The following ILRUN variants were observed in gnomAD, a reference collection of about 807,000 sequenced individuals.
The protein encoded by ILRUN is inflammation and lipid regulator with UBA-like and NBR1-like domains, also known as protein ILRUN.
ILRUN carries 3 observed loss-of-function variants against 33.8 expected under a neutral mutation model. The observed-to-expected ratio is 0.09, with a 90% CI of 0.04 to 0.23. The LOEUF (loss-of-function observed/expected upper bound fraction) is 0.23, where lower values mean the gene tolerates loss of function less well. Among genes scored for constraint, ILRUN ranks in the 10% least tolerant of loss-of-function variants. The probability of loss-of-function intolerance (pLI) is 1.00; values close to 1 mark genes in which losing one functional copy is unlikely to be tolerated. For synonymous variants in ILRUN, 124 were observed against 138.9 expected (o/e 0.89, Z 0.75); for missense variants, 210 against 375.1 (o/e 0.56, Z 3.64).
intron 3 of ILRUN, among the ~76,000 whole-genome samples, chr6:34,610,329 T>C (rs1400973487): frequency 6.6e-6 from 1 of 152,162 alleles, no homozygotes; most frequent in East Asian, 1.9e-4. Context: ...GGACCTGTGT[T>C]CAAAGCTCAA....
chr6:34,672,508 G>A, intron 1 of ILRUN, among the ~76,000 whole-genome samples: 1 of 152,076 alleles, frequency 6.6e-6, no homozygotes, highest in East Asian at 1.9e-4. Flanking sequence ...GAGCCCAGGA[G>A]TTCAAGACCA....
chr6:34,639,485 C>T lies in ILRUN; in HGVS notation c.511+7116G>A, dbSNP rs1321956627. Among the ~76,000 whole-genome samples the T allele has an allele frequency of 3.3e-5, 5 of 152,148 alleles. No homozygotes were observed. The South Asian group carries it at 8.3e-4, about 25-fold the overall frequency. On this transcript the variant is annotated intron_variant, in intron 3 of 4. Transcript: ENST00000374023. ...AAGCATATTACTACTGGCATCCAGG[C>T]TAAAACAAGGACAATCACTCATGCT... is the stretch of plus-strand genomic sequence containing the variant.
At chr6:34,650,588 G>C (rs936358227) in intron 2 of ILRUN, among the ~76,000 whole-genome samples, 2 of 151,780 alleles carry the variant, frequency 1.3e-5, no homozygotes, top group African/African-American at 4.8e-5. Flanking sequence ...CTGCCACCAT[G>C]CCTGGCTAAT....
At chr6:34,673,310 G>A (rs1245707989) in intron 1 of ILRUN, among the ~76,000 whole-genome samples, 1 of 152,156 alleles carries the variant, frequency 6.6e-6, no homozygotes, top group Non-Finnish European at 1.5e-5. Context: ...GTCCAGATCA[G>A]GGTAGGTCCA....
At chr6:34,636,983 C>T (rs1762377991) in intron 3 of ILRUN, among the ~76,000 whole-genome samples, 1 of 152,038 alleles carries the variant, frequency 6.6e-6, no homozygotes, top group Non-Finnish European at 1.5e-5. Context: ...TAAGTATCAC[C>T]TTTTTATTCA....
chr6:34,626,183 C>T (rs1263160917), intron 3 of ILRUN, among the ~76,000 whole-genome samples: 1 of 151,562 alleles, frequency 6.6e-6, no homozygotes, highest in Non-Finnish European at 1.5e-5. Flanking sequence ...CTTTTTTTCT[C>T]TTTTCCAAGA....
At chr6:34,615,389 A>G (rs940393228) in intron 3 of ILRUN, among the ~76,000 whole-genome samples, 8 of 152,090 alleles carry the variant, frequency 5.3e-5, no homozygotes, top group African/African-American at 1.9e-4. Context: ...TAAGGTCAGG[A>G]GTTCAAGACC....
intron 1 of ILRUN, among the ~76,000 whole-genome samples, chr6:34,659,034 T>C (rs1409988087): frequency 6.6e-6 from 1 of 152,238 alleles, no homozygotes; most frequent in African/African-American, 2.4e-5. Flanking sequence ...CATTTACCCT[T>C]GTGCCAGGCA....
chr6:34,683,506 A>ATG (rs1562033323), intron 1 of ILRUN, among the ~76,000 whole-genome samples: 5 of 100,920 alleles, frequency 5.0e-5, no homozygotes, highest in Non-Finnish European at 5.4e-5. Flanking sequence ...ATACATATAT[A>ATG]TATATATACA....
Position 34,666,518 on chromosome 6 carries a change from G to A in ILRUN, c.159-11739C>T, listed in dbSNP as rs188594313. Among the ~76,000 whole-genome samples, 5 of 152,130 alleles carry A rather than the reference G, an allele frequency of 3.3e-5. No homozygotes were observed. The East Asian group carries it at 5.8e-4, about 18-fold the overall frequency. On this transcript the variant is annotated intron_variant, in intron 1 of 4. Coordinates refer to ENST00000374023, the MANE Select transcript of ILRUN (RefSeq NM_024294.4). ...AGAGGTTGCAGTGAGCCAAGATTGC[G>A]CCATTGCACTCCTCCAGCCTGGGCA...
chr6:34,590,472 G>A lies in ILRUN; in HGVS notation c.*93C>T, dbSNP rs892151336. The stretch of plus-strand genomic sequence containing the variant: ...GGGGGTCAGAGCCAGGGGTCTGTGC[G>A]ATGTGGTCTGCAATCCAGAGGAACC... On this transcript the variant is annotated 3_prime_UTR_variant, in exon 5 of 5. Transcript: ENST00000374023. 12 of 1,588,630 alleles carry A rather than the reference G, an allele frequency of 7.6e-6. No individual in the cohort carries two copies. Among genetic ancestry groups the A allele is most frequent in the East Asian group, 4.5e-5 (2 of 44,382 alleles).
At chr6:34,662,305 CAA>C (rs528133769) in intron 1 of ILRUN, among the ~76,000 whole-genome samples, 13 of 75,150 alleles carry the variant, frequency 1.7e-4, no homozygotes, top group Admixed American at 4.5e-4. Flanking sequence ...GACTCCGTCT[CAA>C]AAAAAAAAAA....
At chr6:34,683,435 T>TAC (rs1369644228) in intron 1 of ILRUN, among the ~76,000 whole-genome samples, 13 of 106,196 alleles carry the variant, frequency 1.2e-4, no homozygotes, top group African/African-American at 4.3e-4. Context: ...TATACATATA[T>TAC]ATATACATAT....
At chr6:34,621,855 C>G (rs2744965) in intron 3 of ILRUN, among the ~76,000 whole-genome samples, 1 of 135,272 alleles carries the variant, frequency 7.4e-6, no homozygotes. Flanking sequence ...GAGCAAGACT[C>G]CAGCTCAAAA....
chr6:34,651,978 G>A (rs1379792509), intron 2 of ILRUN, among the ~76,000 whole-genome samples: 1 of 151,832 alleles, frequency 6.6e-6, no homozygotes, highest in African/African-American at 2.4e-5. Flanking sequence ...ATTTTTAGTA[G>A]ACGGGGTTTT....
intron 1 of ILRUN, among the ~76,000 whole-genome samples, chr6:34,672,721 G>T (rs1167592963): frequency 6.6e-6 from 1 of 151,864 alleles, no homozygotes; most frequent in African/African-American, 2.4e-5. Flanking sequence ...AAGGTAAAAA[G>T]AAAACATAAT....
intron 1 of ILRUN, among the ~76,000 whole-genome samples, chr6:34,682,360 C>T (rs1407088568): frequency 1.3e-5 from 2 of 151,452 alleles, no homozygotes; most frequent in African/African-American, 4.8e-5. Context: ...CGGGTTCACG[C>T]CATTCTCCTC....
At chr6:34,610,163 AAAAAAAAAGAAAAAGAAAAAG>A (rs1317943564) in intron 3 of ILRUN, among the ~76,000 whole-genome samples, 3 of 151,920 alleles carry the variant, frequency 2.0e-5, no homozygotes, top group African/African-American at 7.3e-5. Context: ...TCCGTCTCAA[AAAAAAAAAGAAAAAGAAAAAG>A]AAAAAAAAGA....
chr6:34,696,693 T>C lies in ILRUN; in HGVS notation c.-90A>G. The C allele has an allele frequency of 1.0e-5, 15 of 1,432,182 alleles. No individual in the cohort carries two copies. The South Asian group carries it at 1.6e-4, about 16-fold the overall frequency. The allele number at this position is 1,432,182 out of a possible 1,614,324, so 88.7% of individuals were successfully genotyped here. ...CGGGGACCTGGAGGGGGGCCGCTGCTAGCTAGCTTCGCGACCCCGCTCCTT... is the reference window on the plus strand; with the variant it reads ...CGGGGACCTGGAGGGGGGCCGCTGCCAGCTAGCTTCGCGACCCCGCTCCTT... On this transcript the variant is annotated 5_prime_UTR_variant, in exon 1 of 5. Coordinates refer to ENST00000374023, the MANE Select transcript of ILRUN (RefSeq NM_024294.4).
Sources: allele counts gnomAD v4.1 joint callset (sites outside exome capture counted in the v4.1 genomes callset), GRCh38; gene constraint gnomAD v4.1.1; transcripts MANE v1.5; gene names NCBI Gene and HGNC (gene_info 2026-07-23, HGNC 2026-07-21).